The following CKAP5 variants were observed in gnomAD, a reference collection of about 807,000 sequenced individuals.
CKAP5 encodes the protein cytoskeleton-associated protein 5.
A neutral mutation model predicts 232.8 loss-of-function variants in CKAP5; 27 were observed. The ratio of observed to expected loss-of-function variants is 0.12; its 90% CI spans 0.09 to 0.16. The LOEUF is 0.16. CKAP5 is among the 10% of genes least tolerant of loss of function. The pLI, the probability that CKAP5 is intolerant of heterozygous loss-of-function variation, is 1.00. For missense variants in CKAP5, 1,838 were observed against 2,424.7 expected (o/e 0.76, Z 5.08); for synonymous variants, 785 against 841.1 (o/e 0.93, Z 1.16).
At chr11:46,787,787 A>G (rs2134634498) in intron 16 of CKAP5, among the ~76,000 whole-genome samples, 1 of 152,322 alleles carries the variant, frequency 6.6e-6, no homozygotes, top group East Asian at 1.9e-4. Context: ...TCCTAATTAT[A>G]TAAAGTTATA....
chr11:46,801,167 G>C (rs774003426), intron 9 of CKAP5, 33 bp downstream of exon 9: 15 of 1,478,248 alleles, frequency 1.0e-5, no homozygotes, highest in East Asian at 6.8e-5. Flanking sequence ...GATAAATTTT[G>C]TTGATCTGTA....
In CKAP5 at chr11:46,810,989, GA is replaced by G; in HGVS notation, c.630+17del. The G allele has an allele frequency of 6.4e-7, 1 of 1,564,786 alleles. No homozygotes were observed. Among genetic ancestry groups the G allele is most frequent in the Non-Finnish European group, 8.6e-7 (1 of 1,156,094 alleles). ...TATTAACCTTGTGCGAAAGCAACCA[GA>G]AAACTTTTTGTCTCACCTGAACAGA... is the stretch of plus-strand genomic sequence containing the variant. On this transcript the variant is annotated intron_variant, in intron 5 of 43. Coordinates refer to ENST00000529230, the MANE Select transcript of CKAP5 (RefSeq NM_001008938.4).
intron 36 of CKAP5, among the ~76,000 whole-genome samples, chr11:46,754,612 T>C (rs1330873557): frequency 2.0e-5 from 3 of 152,156 alleles, no homozygotes; most frequent in Non-Finnish European, 2.9e-5. Flanking sequence ...TACTTATCTG[T>C]GGAAAGGCAG....
intron 13 of CKAP5, among the ~76,000 whole-genome samples, chr11:46,792,110 G>T (rs1938742427): frequency 6.6e-6 from 1 of 152,100 alleles, no homozygotes; most frequent in Non-Finnish European, 1.5e-5. Context: ...CCCTAAAAAT[G>T]GAAAATTCTG....
chr11:46,813,693 C>T (rs935182642), intron 4 of CKAP5, among the ~76,000 whole-genome samples: 2 of 152,130 alleles, frequency 1.3e-5, no homozygotes, highest in African/African-American at 4.8e-5. Context: ...AAGAACCACA[C>T]AGGGATGGGA....
intron 38 of CKAP5, 97 bp from the exon 39 acceptor site, chr11:46,751,631 A>G (rs2065065222): frequency 9.6e-7 from 1 of 1,036,348 alleles, no homozygotes. Context: ...CTTCTAAAAG[A>G]TGGCCAGGGC....
chr11:46,798,076 A>G lies in CKAP5; in HGVS notation c.1173+7T>C, dbSNP rs1433762990. 6 of 1,612,866 alleles carry G rather than the reference A, an allele frequency of 3.7e-6. No homozygotes were observed. In the South Asian group the frequency reaches 6.6e-5, roughly 18 times the overall value. ...GATAAAACTACAAACTCATGCTGTC[A>G]ACTTACAGTAAGGAAGATTGCATCA... On this transcript the variant is annotated splice_region_variant and intron_variant, in intron 10 of 43. Transcript: ENST00000529230.
Position 46,780,289 on chromosome 11 carries a change from C to G in CKAP5, c.2338G>C (p.Gly780Arg). ...AVRTAAITLL[G>R]VMYLYVGPSL... ...GGACCAACATACAGATACATCACGC[C>G]AAGCAGGGTTATGGCAGCAGTCCTC... Residue 780 changes from glycine to arginine, a missense_variant, in exon 20 of 44, where the codon GGC becomes CGC. Transcript: ENST00000529230. The G allele has an allele frequency of 6.2e-7, 1 of 1,614,086 alleles. No individual in the cohort carries two copies. Among genetic ancestry groups the G allele is most frequent in the Non-Finnish European group, 8.5e-7 (1 of 1,180,006 alleles).
chr11:46,766,809 C>T (rs557953382), intron 27 of CKAP5, among the ~76,000 whole-genome samples: 4 of 152,280 alleles, frequency 2.6e-5, no homozygotes, highest in African/African-American at 9.6e-5. Context: ...TTTGAACACA[C>T]TGCTTTAAAT....
chr11:46,814,300 G>C (rs900881475), intron 4 of CKAP5, among the ~76,000 whole-genome samples: 5 of 152,004 alleles, frequency 3.3e-5, no homozygotes, highest in African/African-American at 1.2e-4. Flanking sequence ...AAAAACATCT[G>C]CTTACTATAT....
intron 13 of CKAP5, among the ~76,000 whole-genome samples, chr11:46,791,786 A>C (rs1275470068): frequency 1.3e-5 from 2 of 152,190 alleles, no homozygotes; most frequent in African/African-American, 4.8e-5. Context: ...TACACAGCAA[A>C]TGATAACTGT....
chr11:46,825,912 T>G (rs1386741689), intron 1 of CKAP5, among the ~76,000 whole-genome samples: 2 of 152,104 alleles, frequency 1.3e-5, no homozygotes, highest in Middle Eastern at 6.3e-3. Context: ...AACCAAAATC[T>G]GACAAAATCC....
In CKAP5 at chr11:46,790,550, C is replaced by A. The variant is rs1938695789; in HGVS notation, c.1684G>T (p.Ala562Ser). The A allele has an allele frequency of 1.9e-6, 3 of 1,613,934 alleles. No homozygotes were observed. Among genetic ancestry groups the A allele is most frequent in the Non-Finnish European group, 2.5e-6 (3 of 1,179,954 alleles). ...CCAGTATTCCCTGCGCCTCCTGGTGCAGCTGGTTTCCCCTTTTTTGGTGGC... is the reference window on the plus strand; with the variant it reads ...CCAGTATTCCCTGCGCCTCCTGGTGAAGCTGGTTTCCCCTTTTTTGGTGGC... ...GGPPKKGKPA[A>S]PGGAGNTGTK... The change falls in exon 14 of 44, where the codon GCA (alanine) becomes TCA (serine). Residue 562 changes from alanine to serine, a missense_variant. Ala to Ser is a moderately conservative substitution (Grantham distance 99). Transcript: ENST00000529230.
chr11:46,768,575 G>GT (rs1195257850), intron 26 of CKAP5, among the ~76,000 whole-genome samples: 1 of 152,036 alleles, frequency 6.6e-6, no homozygotes, highest in Non-Finnish European at 1.5e-5. Context: ...TTAATAAAGA[G>GT]TTTTACACAG....
At chr11:46,769,047 G>A (rs2065226929) in intron 26 of CKAP5, among the ~76,000 whole-genome samples, 1 of 152,114 alleles carries the variant, frequency 6.6e-6, no homozygotes, top group African/African-American at 2.4e-5. Context: ...AGCCTCCTGA[G>A]TAGCTGGGAT....
At position 46,796,530 on chromosome 11, in the gene CKAP5, C is replaced by T. The variant is rs572325358; in HGVS notation, c.1467+282G>A. 3.9e-5 allele frequency among the ~76,000 whole-genome samples: 6 copies of T among 152,222 alleles called. No homozygotes were observed. The South Asian group carries it at 1.0e-3, about 26-fold the overall frequency. Reference sequence around the variant, plus strand: ...TTCTCAAAAGCTAAGTTTTCAAACTCGGTCTGAACTATCAGTGGAGGATGA... The same window carrying T: ...TTCTCAAAAGCTAAGTTTTCAAACTTGGTCTGAACTATCAGTGGAGGATGA... On this transcript the variant is annotated intron_variant, in intron 12 of 43. Coordinates refer to ENST00000529230, the MANE Select transcript of CKAP5 (RefSeq NM_001008938.4).
chr11:46,775,413 G>A (rs1236401358), intron 24 of CKAP5, among the ~76,000 whole-genome samples: 1 of 152,146 alleles, frequency 6.6e-6, no homozygotes, highest in Non-Finnish European at 1.5e-5. Flanking sequence ...AAGACAGTGT[G>A]GCAATTCCTC....
intron 9 of CKAP5, among the ~76,000 whole-genome samples, chr11:46,800,807 T>C (rs1489868575): frequency 1.3e-5 from 2 of 152,206 alleles, no homozygotes; most frequent in East Asian, 3.8e-4. Flanking sequence ...CAGTTTTACA[T>C]TTATAGTTTT....
At chr11:46,828,130 A>G (rs1565756281) in intron 1 of CKAP5, among the ~76,000 whole-genome samples, 1 of 152,150 alleles carries the variant, frequency 6.6e-6, no homozygotes, top group East Asian at 1.9e-4. Context: ...ATAAAGCAGA[A>G]ATTTAAGAAT....
Sources: gnomAD v4.1 joint callset for allele counts (sites outside exome capture counted in the v4.1 genomes callset) on GRCh38, gnomAD v4.1.1 for gene constraint, MANE v1.5 for transcripts, NCBI Gene and HGNC (gene_info 2026-07-23, HGNC 2026-07-21) for gene names.